The following STXBP4 variants were observed in gnomAD, a reference collection of about 807,000 sequenced individuals.
The protein encoded by STXBP4 is syntaxin binding protein 4.
A neutral mutation model predicts 76.1 loss-of-function variants in STXBP4; 55 were observed. That is an observed-to-expected ratio of 0.72 (90% CI 0.58 to 0.91). STXBP4 has a LOEUF of 0.91. Among genes scored for constraint, STXBP4 ranks in the 40% least tolerant of loss-of-function variants. The pLI, the probability that STXBP4 is intolerant of heterozygous loss-of-function variation, is 0.00. For missense variants in STXBP4, 618 were observed against 636.9 expected, an observed-to-expected ratio of 0.97 and a Z score of 0.32; for synonymous variants, 201 against 220.2, an observed-to-expected ratio of 0.91 and a Z score of 0.77.
At chr17:55,197,210 A>G in the STXBP4 span, among the ~76,000 whole-genome samples, 1 of 152,222 alleles carries the variant, frequency 6.6e-6, no homozygotes, top group East Asian at 1.9e-4. Context: ...TAATGTGCAG[A>G]CAAGATGGAG....
rs996988784 is a variant in STXBP4 at position 55,149,934 on chromosome 17, C to T, written c.1547+8567C>T. On this transcript the variant is annotated intron_variant, in intron 17 of 17. Coordinates refer to ENST00000376352, the MANE Select transcript of STXBP4 (RefSeq NM_178509.6). ...TTCAGCATCAAAGCCCCTTTTCCCC[C>T]TCATTTAACCAATGACAGGTATAAC... is the stretch of plus-strand genomic sequence containing the variant. 2.0e-5 allele frequency among the ~76,000 whole-genome samples: 3 copies of T among 152,270 alleles called. No individual in the cohort carries two copies. The South Asian group carries it at 6.2e-4, about 32-fold the overall frequency.
intron 11 of STXBP4, chr17:55,043,948 A>G (rs529816551): frequency 2.9e-4 from 76 of 265,542 alleles, no homozygotes; most frequent in South Asian, 1.6e-3. Context: ...TCCTGGGTTC[A>G]AGTGATTCTC....
chr17:55,047,461 TCTTTC>T (rs1347075271), intron 12 of STXBP4, among the ~76,000 whole-genome samples: 1 of 151,922 alleles, frequency 6.6e-6, no homozygotes, highest in Non-Finnish European at 1.5e-5. Flanking sequence ...TTTTTTCTTT[TCTTTC>T]ATTTCCCCTT....
At chr17:55,143,013 A>G (rs1028036214) in intron 17 of STXBP4, among the ~76,000 whole-genome samples, 6 of 152,206 alleles carry the variant, frequency 3.9e-5, no homozygotes, top group African/African-American at 1.4e-4. Context: ...AATGCATTCA[A>G]ATCTGTGTTG....
chr17:55,097,658 A>C (rs571580073), intron 16 of STXBP4, among the ~76,000 whole-genome samples: 1 of 140,228 alleles, frequency 7.1e-6, no homozygotes, highest in Non-Finnish European at 1.6e-5. Context: ...GCAAGACTCC[A>C]TCTCAAAAAA....
At chr17:55,189,966 A>AGTT in the STXBP4 span, among the ~76,000 whole-genome samples, 24 of 152,208 alleles carry the variant, frequency 1.6e-4, no homozygotes, top group Non-Finnish European at 7.3e-5. Flanking sequence ...GAAAGTAGGC[A>AGTT]GTTCAGTAAG....
chr17:55,036,433 A>G (rs1314069057), intron 10 of STXBP4, among the ~76,000 whole-genome samples: 1 of 151,534 alleles, frequency 6.6e-6, no homozygotes, highest in Non-Finnish European at 1.5e-5. Flanking sequence ...ATTAAAATTA[A>G]TGGTATCTTT....
chr17:55,043,293 G>T lies in STXBP4; in HGVS notation c.913G>T (p.Asp305Tyr). The T allele has an allele frequency of 6.5e-7, 1 of 1,537,024 alleles. No individual in the cohort carries two copies. Among genetic ancestry groups the T allele is most frequent in the East Asian group, 2.4e-5 (1 of 42,040 alleles). The change falls in exon 11 of 18, where the codon GAT becomes TAT. Residue 305 changes from aspartate to tyrosine, a missense_variant. Transcript: ENST00000376352. ...DEMERLKCERDDALKEVNTLK... is the reference protein window; with the variant it reads ...DEMERLKCERYDALKEVNTLK... ...AATGGAAAGGCTCAAGTGTGAAAGA[G>T]ATGATGCCTTGAAAGAAGTAAATAC...
At chr17:55,210,415 C>T in the STXBP4 span, among the ~76,000 whole-genome samples, 2 of 152,262 alleles carry the variant, frequency 1.3e-5, no homozygotes, top group Non-Finnish European at 2.9e-5. Flanking sequence ...TTAAATTGGG[C>T]TTAAATTAGG....
At chr17:55,113,285 G>A (rs923879928) in intron 16 of STXBP4, among the ~76,000 whole-genome samples, 1 of 149,058 alleles carries the variant, frequency 6.7e-6, no homozygotes, top group Non-Finnish European at 1.5e-5. Flanking sequence ...GAAGGTGATG[G>A]CTATATTAAT....
At chr17:55,203,393 T>C in the STXBP4 span, among the ~76,000 whole-genome samples, 1 of 152,292 alleles carries the variant, frequency 6.6e-6, no homozygotes, top group East Asian at 1.9e-4. Context: ...GTCATAGTTA[T>C]CATTGCATTG....
intron 17 of STXBP4, among the ~76,000 whole-genome samples, chr17:55,158,421 C>G (rs1237372412): frequency 6.6e-6 from 1 of 152,178 alleles, no homozygotes; most frequent in Non-Finnish European, 1.5e-5. Flanking sequence ...GCTAGGGAAA[C>G]TGATCTAGGG....
At chr17:55,054,187 T>C (rs1439002717) in intron 12 of STXBP4, among the ~76,000 whole-genome samples, 2 of 152,156 alleles carry the variant, frequency 1.3e-5, no homozygotes, top group Non-Finnish European at 2.9e-5. Context: ...GAGAATCTTA[T>C]ATGGTTCACA....
the STXBP4 span, among the ~76,000 whole-genome samples, chr17:55,207,295 G>A: frequency 6.6e-6 from 1 of 152,096 alleles, no homozygotes; most frequent in Non-Finnish European, 1.5e-5. Flanking sequence ...TGTCACTACA[G>A]GCATGTACAC....
chr17:55,059,317 T>C (rs550396591), intron 12 of STXBP4, among the ~76,000 whole-genome samples: 1 of 152,292 alleles, frequency 6.6e-6, no homozygotes, highest in African/African-American at 2.4e-5. Flanking sequence ...TTTTTGACAC[T>C]GGCCACATCA....
At chr17:55,153,360 C>T (rs1250224531) in intron 17 of STXBP4, among the ~76,000 whole-genome samples, 4 of 152,154 alleles carry the variant, frequency 2.6e-5, no homozygotes, top group African/African-American at 7.2e-5. Flanking sequence ...AGCATTTATA[C>T]ATGACGGAAT....
At chr17:55,178,770 A>G in the STXBP4 span, among the ~76,000 whole-genome samples, 1 of 152,224 alleles carries the variant, frequency 6.6e-6, no homozygotes. Context: ...GTTCAAGTGC[A>G]GGAGAAGATC....
In STXBP4 at chr17:55,111,122, G is replaced by T. The variant is rs147910892; in HGVS notation, c.1489+29939G>T. ...AAATGGCACAGTAACTTCCTAACTT[G>T]TCACCCTACTTCCAGATTTCCCTAC... On this transcript the variant is annotated intron_variant, in intron 16 of 17. Coordinates refer to ENST00000376352, the MANE Select transcript of STXBP4 (RefSeq NM_178509.6). Among the ~76,000 whole-genome samples, 13 of 152,260 alleles carry T rather than the reference G, an allele frequency of 8.5e-5. No homozygotes were observed. In the East Asian group the frequency reaches 1.7e-3, roughly 20 times the overall value.
chr17:55,117,518 CTT>C (rs1237182753), intron 16 of STXBP4, among the ~76,000 whole-genome samples: 1 of 151,402 alleles, frequency 6.6e-6, no homozygotes, highest in Non-Finnish European at 1.5e-5. Flanking sequence ...AACACCCTGA[CTT>C]TGACTAAATA....
Sources: allele counts gnomAD v4.1 joint callset (sites outside exome capture counted in the v4.1 genomes callset), GRCh38; gene constraint gnomAD v4.1.1; transcripts MANE v1.5; gene names NCBI Gene and HGNC (gene_info 2026-07-23, HGNC 2026-07-21).